The following PTPRN2 variants were observed in gnomAD, a reference collection of about 807,000 sequenced individuals.
PTPRN2 encodes the protein protein tyrosine phosphatase receptor type N2, also known as receptor-type tyrosine-protein phosphatase N2.
In PTPRN2, 74 loss-of-function variants were observed where a neutral mutation model predicts 118.8. The ratio of observed to expected loss-of-function variants is 0.62; its 90% CI spans 0.52 to 0.76. The LOEUF is 0.76. Among genes scored for constraint, PTPRN2 ranks in the 30% least tolerant of loss-of-function variants. The probability of loss-of-function intolerance (pLI) is 0.00; values close to 1 mark genes in which losing one functional copy is unlikely to be tolerated. For synonymous variants in PTPRN2, 641 were observed against 608.0 expected (o/e 1.05, Z -0.80); for missense variants, 1,481 against 1,394.4 (o/e 1.06, Z -0.99).
At chr7:157,737,264 C>T (rs1205879999) in intron 12 of PTPRN2, among the ~76,000 whole-genome samples, 1 of 152,256 alleles carries the variant, frequency 6.6e-6, no homozygotes, top group African/African-American at 2.4e-5. Flanking sequence ...GGCTGAGAAG[C>T]CCAAGCTCGC....
chr7:158,107,881 G>A (rs542934407), intron 10 of PTPRN2, among the ~76,000 whole-genome samples: 198 of 129,796 alleles, frequency 1.5e-3, no homozygotes, highest in African/African-American at 5.3e-3. Flanking sequence ...CCTGCACACC[G>A]TCTGCCCACA....
rs777448556 is a variant in PTPRN2 at position 158,489,747 on chromosome 7, C to T, written c.151G>A (p.Ala51Thr). The change falls in exon 2 of 23, where the codon GCC (alanine) becomes ACC (threonine). Residue 51 changes from alanine to threonine, a missense_variant. Around this residue, in one of 3 missense-constraint regions of PTPRN2, gnomAD observed 1,115 missense variants for 994.2 expected, o/e 1.12. Transcript: ENST00000389418. ...LEEGLCGASE[A>T]CVNDGVFGRC... ...ACCCCACACTCACCGTTCACACAGG[C>T]CTCGGACGCTCCGCAGAGGCCCTCC... is the stretch of plus-strand genomic sequence containing the variant. The T allele has an allele frequency of 6.3e-7, 1 of 1,584,134 alleles. No individual in the cohort carries two copies. Among genetic ancestry groups the T allele is most frequent in the South Asian group, 1.2e-5 (1 of 86,772 alleles).
At chr7:157,968,265 AC>A (rs1802081140) in intron 11 of PTPRN2, among the ~76,000 whole-genome samples, 1 of 151,734 alleles carries the variant, frequency 6.6e-6, no homozygotes, top group South Asian at 2.1e-4. Flanking sequence ...TTCTCTCCAA[AC>A]CTTGAGGTTA....
At chr7:158,160,276 G>T (rs372108511) in intron 6 of PTPRN2, among the ~76,000 whole-genome samples, 1 of 152,134 alleles carries the variant, frequency 6.6e-6, no homozygotes, top group African/African-American at 2.4e-5. Context: ...CTGGGGGAAG[G>T]TCTGCCTCAG....
chr7:158,261,217 G>A (rs1338223559), intron 3 of PTPRN2, among the ~76,000 whole-genome samples: 1 of 152,136 alleles, frequency 6.6e-6, no homozygotes, highest in Non-Finnish European at 1.5e-5. Context: ...AGGTGGCAGA[G>A]GCCAGGGTCG....
rs1270877306 is a variant in PTPRN2 at position 157,627,734 on chromosome 7, G to A, written c.2197-6225C>T. 6.6e-6 allele frequency among the ~76,000 whole-genome samples: 1 copy of A among 152,126 alleles called. No homozygotes were observed. Among genetic ancestry groups the A allele is most frequent in the Non-Finnish European group, 1.5e-5 (1 of 68,024 alleles). The stretch of plus-strand genomic sequence containing the variant: ...GCCTAGACATGATGTGCTTGTGGAA[G>A]AGTGAATTCCTAGATCAAACCATTC... On this transcript the variant is annotated intron_variant, in intron 14 of 22. Coordinates refer to ENST00000389418, the MANE Select transcript of PTPRN2 (RefSeq NM_002847.5). The surrounding 1 kb of genome is among the most constrained non-coding windows in gnomAD (Gnocchi z 4.2).
intron 12 of PTPRN2, among the ~76,000 whole-genome samples, chr7:157,852,399 G>A (rs1475632186): frequency 1.3e-5 from 2 of 152,212 alleles, no homozygotes; most frequent in Non-Finnish European, 2.9e-5. Context: ...TGAGAATGGA[G>A]ATCTGCATGT....
At chr7:157,956,826 G>C (rs533939825) in intron 11 of PTPRN2, among the ~76,000 whole-genome samples, 1 of 152,354 alleles carries the variant, frequency 6.6e-6, no homozygotes, top group Admixed American at 6.5e-5. Flanking sequence ...CTGTGAGTTG[G>C]AATTCATTTG....
At chr7:158,375,361 A>C (rs1810419415) in intron 2 of PTPRN2, among the ~76,000 whole-genome samples, 1 of 152,234 alleles carries the variant, frequency 6.6e-6, no homozygotes, top group African/African-American at 2.4e-5. Context: ...AGGGCAGCAG[A>C]CAAGGCAGCT....
intron 3 of PTPRN2, among the ~76,000 whole-genome samples, chr7:158,267,063 G>A (rs764839371): frequency 1.3e-5 from 2 of 152,266 alleles, no homozygotes; most frequent in African/African-American, 2.4e-5. Context: ...TCCAGTGACT[G>A]GCACCTCAGA....
At chr7:157,613,130 GTCCCGCC>G (rs967431140) in intron 15 of PTPRN2, among the ~76,000 whole-genome samples, 12 of 152,160 alleles carry the variant, frequency 7.9e-5, no homozygotes, top group Admixed American at 7.2e-4. Flanking sequence ...CCCGTCTCCA[GTCCCGCC>G]TCCCGCCTCA....
At chr7:158,340,484 A>G (rs1439516485) in intron 2 of PTPRN2, among the ~76,000 whole-genome samples, 2 of 115,198 alleles carry the variant, frequency 1.7e-5, no homozygotes, top group African/African-American at 3.1e-5. Context: ...CTCTCACCAT[A>G]ATAGGTGACA....
At chr7:158,472,006 G>A (rs539725198) in intron 2 of PTPRN2, among the ~76,000 whole-genome samples, 5 of 151,688 alleles carry the variant, frequency 3.3e-5, no homozygotes, top group African/African-American at 1.2e-4. Context: ...CCACGGTTCC[G>A]GCCTCGCCAC....
At chr7:157,925,419 C>T (rs1798923077) in intron 11 of PTPRN2, among the ~76,000 whole-genome samples, 1 of 152,236 alleles carries the variant, frequency 6.6e-6, no homozygotes, top group Non-Finnish European at 1.5e-5. Flanking sequence ...CTTCCAGAAT[C>T]CCCAAAATCT....
chr7:158,228,262 C>T (rs577138801), intron 3 of PTPRN2, among the ~76,000 whole-genome samples: 25 of 152,250 alleles, frequency 1.6e-4, no homozygotes. Flanking sequence ...TATCAACTAA[C>T]TTTATGCCAC....
chr7:157,821,497 G>A (rs575304726), intron 12 of PTPRN2, among the ~76,000 whole-genome samples: 9 of 152,288 alleles, frequency 5.9e-5, no homozygotes, highest in East Asian at 3.9e-4. Flanking sequence ...CAGAGACATC[G>A]GAGATGAAGG....
chr7:158,216,735 A>G (rs1426044344), intron 3 of PTPRN2, among the ~76,000 whole-genome samples: 2 of 152,160 alleles, frequency 1.3e-5, no homozygotes, highest in South Asian at 4.1e-4. Flanking sequence ...GAACTCAACA[A>G]TACCATTAAT....
chr7:158,497,653 T>C (rs1046952141), intron 1 of PTPRN2, among the ~76,000 whole-genome samples: 2 of 152,216 alleles, frequency 1.3e-5, no homozygotes, highest in Non-Finnish European at 2.9e-5. Flanking sequence ...GGCCTGGATC[T>C]TAGACCTACA....
chr7:158,063,529 C>G (rs975220613), intron 11 of PTPRN2, among the ~76,000 whole-genome samples: 1 of 152,210 alleles, frequency 6.6e-6, no homozygotes, highest in African/African-American at 2.4e-5. Flanking sequence ...CTTGGGTCCC[C>G]TTTCACATTG....
Sources: allele counts gnomAD v4.1 joint callset (sites outside exome capture counted in the v4.1 genomes callset), GRCh38; gene constraint gnomAD v4.1.1; regional missense constraint gnomAD v4.1.1; non-coding constraint Gnocchi (gnomAD v3.1); transcripts MANE v1.5; gene names NCBI Gene and HGNC (gene_info 2026-07-23, HGNC 2026-07-21).